ANKRD11: variants seen among roughly 807,000 people sequenced by gnomAD.
The protein encoded by ANKRD11 is ankyrin repeat domain-containing protein 11.
In ANKRD11, 17 loss-of-function variants were observed where a neutral mutation model predicts 195.7. The ratio of observed to expected loss-of-function variants is 0.09; its 90% CI spans 0.06 to 0.13. The LOEUF (loss-of-function observed/expected upper bound fraction) is 0.13, where lower values mean the gene tolerates loss of function less well. ANKRD11 is among the 10% of genes least tolerant of loss of function. ANKRD11 has a pLI of 1.00. For missense variants in ANKRD11, 3,735 were observed against 3,566.1 expected (o/e 1.05, Z -1.21); for synonymous variants, 1,953 against 1,528.1 (o/e 1.28, Z -6.49).
chr16:89,285,733 G>A lies in ANKRD11; in HGVS notation c.893-84C>T, dbSNP rs556309887. 3 of 1,460,024 alleles carry A rather than the reference G, an allele frequency of 2.1e-6. No homozygotes were observed. The highest frequency in any genetic ancestry group is 2.3e-5 in the East Asian group (1 of 44,048). The allele number at this position is 1,460,024 out of a possible 1,614,324, so 90.4% of individuals were successfully genotyped here. A position where few individuals can be genotyped will look rare whatever the true frequency, so the allele number is the denominator to read the frequency against. On this transcript the variant is annotated intron_variant, in intron 8 of 12. Coordinates refer to ENST00000301030, the MANE Select transcript of ANKRD11 (RefSeq NM_013275.6). This position sits in a 1 kb window ranked among gnomAD's most constrained non-coding sequence, Gnocchi z 5.6. ...GGCAGAGGAGGGAGGCTCTGCAGAT[G>A]TGTCTGCGGGAAGGTTCCCACCCTG... is the stretch of plus-strand genomic sequence containing the variant.
At chr16:89,336,410 G>A (rs776390536) in intron 2 of ANKRD11, among the ~76,000 whole-genome samples, 25 of 152,366 alleles carry the variant, frequency 1.6e-4, no homozygotes, top group Non-Finnish European at 3.4e-4. Context: ...AGGAAGGAAG[G>A]AGTCTGTTTG....
intron 1 of ANKRD11, among the ~76,000 whole-genome samples, chr16:89,430,814 G>A (rs1037893820): frequency 2.6e-5 from 4 of 152,156 alleles, no homozygotes; most frequent in Non-Finnish European, 5.9e-5. Flanking sequence ...TAAGACAAAA[G>A]GGAGTTTGCT....
At chr16:89,290,321 G>T (rs1279383121) in intron 6 of ANKRD11, among the ~76,000 whole-genome samples, 9 of 108,484 alleles carry the variant, frequency 8.3e-5, no homozygotes, top group African/African-American at 1.1e-4. Flanking sequence ...CCAATGGGGG[G>T]AGGCTCAGGG....
intron 2 of ANKRD11, among the ~76,000 whole-genome samples, chr16:89,414,706 C>T (rs2152219037): frequency 6.6e-6 from 1 of 152,290 alleles, no homozygotes; most frequent in African/African-American, 2.4e-5. Context: ...ACAAGGCTGT[C>T]GGGGACCCTA....
At chr16:89,287,533 C>T (rs1423717162) in intron 7 of ANKRD11, 1 of 186,446 alleles carries the variant, frequency 5.4e-6, no homozygotes, top group African/African-American at 2.4e-5. Context: ...GGCCATTCCC[C>T]TCACACCTGC....
At chr16:89,359,135 A>G (rs2039617480) in intron 2 of ANKRD11, among the ~76,000 whole-genome samples, 1 of 152,150 alleles carries the variant, frequency 6.6e-6, no homozygotes, top group South Asian at 2.1e-4. Context: ...CACTGTCCTC[A>G]TCTAAAAGAC....
chr16:89,345,125 G>T (rs2038876725), intron 2 of ANKRD11, among the ~76,000 whole-genome samples: 1 of 152,002 alleles, frequency 6.6e-6, no homozygotes, highest in Admixed American at 6.6e-5. Flanking sequence ...CTAAAATCTG[G>T]GAGCATCCAC....
rs544611152 is a variant in ANKRD11, at chr16:89,449,732, G to A, written c.-144-31364C>T. ...CACTTGAACCTGGGAGGTGGAGGTT[G>A]CAGTGAGCCGAGATTGTGTCACTGC... On this transcript the variant is annotated intron_variant, in intron 1 of 12. Coordinates refer to ENST00000301030, the MANE Select transcript of ANKRD11 (RefSeq NM_013275.6). Among the ~76,000 whole-genome samples, 18 of 152,284 alleles carry A rather than the reference G, an allele frequency of 1.2e-4. No homozygotes were observed. In the East Asian group the frequency reaches 3.3e-3, roughly 28 times the overall value.
intron 1 of ANKRD11, among the ~76,000 whole-genome samples, chr16:89,483,781 T>C (rs1387382025): frequency 6.8e-6 from 1 of 146,608 alleles, no homozygotes; most frequent in South Asian, 2.1e-4. Context: ...TGAGCCAAGA[T>C]CATGCCTGGG....
chr16:89,317,681 C>T (rs2037048539), intron 2 of ANKRD11, among the ~76,000 whole-genome samples: 1 of 152,226 alleles, frequency 6.6e-6, no homozygotes, highest in Non-Finnish European at 1.5e-5. Context: ...TGGAAGCAGA[C>T]GCCCCCTCGG....
intron 1 of ANKRD11, among the ~76,000 whole-genome samples, chr16:89,434,630 C>G (rs1165230616): frequency 6.6e-6 from 1 of 152,198 alleles, no homozygotes; most frequent in African/African-American, 2.4e-5. Context: ...AATTCCACAA[C>G]AGATGTCTCC....
chr16:89,403,573 AACAG>A (rs1185279447), intron 2 of ANKRD11: 1 of 152,194 alleles, frequency 6.6e-6, no homozygotes, highest in Non-Finnish European at 1.5e-5. Context: ...TACACCACCA[AACAG>A]ACAAAGACCA....
chr16:89,412,758 T>TA (rs2042149828), intron 2 of ANKRD11, among the ~76,000 whole-genome samples: 1 of 151,866 alleles, frequency 6.6e-6, no homozygotes, highest in Non-Finnish European at 1.5e-5. Context: ...ATTAAAAAAA[T>TA]AAAACACTGG....
At position 89,280,875 on chromosome 16, in the gene ANKRD11, T is replaced by C; in HGVS notation, c.5667A>G (p.Lys1889=). Residue 1889 remains lysine (K), a synonymous_variant, in exon 9 of 13, where the codon AAA becomes AAG. Transcript: ENST00000301030. ...GCTCGGCTCTGGGGGAAGGGGAAGG[T>C]TTTGCTTGTAAACTTGAGAAGACGC... ...PEGVFSSLQA[K]PSPSPRAELL... 1 of 1,603,056 alleles carries C rather than the reference T, an allele frequency of 6.2e-7. No homozygotes were observed. The highest frequency in any genetic ancestry group is 8.5e-7 in the Non-Finnish European group (1 of 1,172,178).
intron 2 of ANKRD11, among the ~76,000 whole-genome samples, chr16:89,385,338 G>C (rs377693352): frequency 6.6e-6 from 1 of 150,650 alleles, no homozygotes; most frequent in African/African-American, 2.4e-5. Context: ...CATGTTGGCC[G>C]GGCTGGTCTC....
chr16:89,484,894 T>C (rs1166207442), intron 1 of ANKRD11, among the ~76,000 whole-genome samples: 1 of 152,140 alleles, frequency 6.6e-6, no homozygotes, highest in Non-Finnish European at 1.5e-5. Context: ...ATTTCCAGGA[T>C]AATAAATAAT....
chr16:89,480,224 C>A (rs535333432), intron 1 of ANKRD11, among the ~76,000 whole-genome samples: 110 of 152,198 alleles, frequency 7.2e-4, no homozygotes, highest in African/African-American at 2.6e-3. Flanking sequence ...CGCCTGTAAT[C>A]CCAGCACTTT....
intron 3 of ANKRD11, among the ~76,000 whole-genome samples, chr16:89,314,487 C>G (rs772742432): frequency 6.6e-6 from 1 of 152,154 alleles, no homozygotes; most frequent in African/African-American, 2.4e-5. Flanking sequence ...GCCGGCAAAT[C>G]AGGACACCCT....
chr16:89,449,179 A>C (rs1260700685), intron 1 of ANKRD11, among the ~76,000 whole-genome samples: 1 of 144,434 alleles, frequency 6.9e-6, no homozygotes, highest in Non-Finnish European at 1.5e-5. Context: ...AGTGAAACCC[A>C]GTCTCTACAA....
Sources: allele counts gnomAD v4.1 joint callset (sites outside exome capture counted in the v4.1 genomes callset), GRCh38; gene constraint gnomAD v4.1.1; non-coding constraint Gnocchi (gnomAD v3.1); transcripts MANE v1.5; gene names NCBI Gene and HGNC (gene_info 2026-07-23, HGNC 2026-07-21).